Variants in ZCCHC9 observed in about 807,000 individuals in gnomAD.
The protein encoded by ZCCHC9 is zinc finger CCHC domain-containing protein 9.
In ZCCHC9, 18 loss-of-function variants were observed where a neutral mutation model predicts 30.8. The observed-to-expected ratio is 0.58, with a 90% CI of 0.40 to 0.87. The LOEUF is 0.87. Ranked by LOEUF, ZCCHC9 falls within the 40% of genes least tolerant of loss-of-function variation. The probability of loss-of-function intolerance (pLI) is 0.00; values close to 1 mark genes in which losing one functional copy is unlikely to be tolerated. For missense variants in ZCCHC9, 279 were observed against 331.2 expected, an observed-to-expected ratio of 0.84 and a Z score of 1.22; for synonymous variants, 94 against 106.7, an observed-to-expected ratio of 0.88 and a Z score of 0.73.
chr5:81,307,637 G>A (rs1029605391), intron 2 of ZCCHC9, among the ~76,000 whole-genome samples: 7 of 149,758 alleles, frequency 4.7e-5, no homozygotes, highest in Admixed American at 1.3e-4. Context: ...TGGTGACAGC[G>A]AGATTCTGTC....
In ZCCHC9 at chr5:81,304,847, G is replaced by A. The variant is rs560938911; in HGVS notation, c.90G>A (p.Glu30=). ...SWEDMKKGSF[E]GTSQNLPKRK... ...AGGACATGAAGAAGGGATCCTTTGA[G>A]GGAACAAGCCAAAACCTACCAAAGC... The change falls in exon 2 of 6, where the codon GAG becomes GAA. Residue 30 remains glutamate, a synonymous_variant. Transcript: ENST00000407610. 3.7e-6 allele frequency: 6 copies of A among 1,614,044 alleles called. No homozygotes were observed. The South Asian group carries it at 5.5e-5, about 15-fold the overall frequency.
rs771584016 is a variant in ZCCHC9, at chr5:81,304,953, G to C, written c.196G>C (p.Glu66Gln). Residue 66 changes from glutamate (E) to glutamine (Q), a missense_variant, in exon 2 of 6, where the codon GAG becomes CAG. Coordinates refer to ENST00000407610, the MANE Select transcript of ZCCHC9 (RefSeq NM_001131035.2). ...ACATAAAAAGAACAAAAAGAAAAAA[G>C]AGTACTTAAATGAAGATGTGAATGG... ...AKHKKNKKKK[E>Q]YLNEDVNGFM... 1.2e-6 allele frequency: 2 copies of C among 1,613,616 alleles called. No individual in the cohort carries two copies. Among genetic ancestry groups the C allele is most frequent in the African/African-American group, 2.7e-5 (2 of 74,826 alleles).
Position 81,301,704 on chromosome 5 carries a change from G to A in ZCCHC9, c.-18+6G>A, listed in dbSNP as rs1381084065. On this transcript the variant is annotated splice_donor_region_variant and intron_variant, in intron 1 of 5. Transcript: ENST00000407610. Reference sequence around the variant, plus strand: ...CTGCGCGGTAGCGCGGTGAGGTGAGGTTCTCAGCCACCAAAGCTGCAGGGT... The same window carrying A: ...CTGCGCGGTAGCGCGGTGAGGTGAGATTCTCAGCCACCAAAGCTGCAGGGT... The A allele has an allele frequency of 6.6e-6, 1 of 152,548 alleles. No homozygotes were observed. Among genetic ancestry groups the A allele is most frequent in the Non-Finnish European group, 1.5e-5 (1 of 68,288 alleles). 9.4% of individuals were successfully genotyped at this position (152,548 alleles called of 1,614,324 possible).
In ZCCHC9 at chr5:81,304,762, C is replaced by T; in HGVS notation, c.5C>T (p.Thr2Ile). ...TAAGGTACCACTGATGAAATTATGA[C>T]CAGGTGGGCCCGAGTTAGTACCACA... MTRWARVSTTYN... is the reference protein window; with the variant it reads MIRWARVSTTYN... Residue 2 changes from threonine to isoleucine, a missense_variant, in exon 2 of 6, where the codon ACC becomes ATC. By Grantham distance (89) the Thr-to-Ile change is moderately conservative. Coordinates refer to ENST00000407610, the MANE Select transcript of ZCCHC9 (RefSeq NM_001131035.2). 6.4e-7 allele frequency: 1 copy of T among 1,572,500 alleles called. No homozygotes were observed. The highest frequency in any genetic ancestry group is 8.6e-7 in the Non-Finnish European group (1 of 1,162,400).
chr5:81,311,385 A>G, intron 5 of ZCCHC9, 106 bp downstream of exon 5: 1 of 1,172,464 alleles, frequency 8.5e-7, no homozygotes, highest in Non-Finnish European at 1.3e-6. Context: ...TGATTTTAAG[A>G]CAACCTGTTT....
chr5:81,307,360 G>A (rs886932904), intron 2 of ZCCHC9, among the ~76,000 whole-genome samples: 1 of 152,118 alleles, frequency 6.6e-6, no homozygotes, highest in Non-Finnish European at 1.5e-5. Context: ...ACCTATTTCT[G>A]AATATTAAAG....
intron 2 of ZCCHC9, 134 bp downstream of exon 2, chr5:81,305,275 A>C (rs1337133058): frequency 3.2e-6 from 4 of 1,250,684 alleles, no homozygotes; most frequent in East Asian, 2.6e-5. Flanking sequence ...TTTAAGGACT[A>C]GTACTTTTTT....
chr5:81,311,381 T>C (rs1312853854), intron 5 of ZCCHC9, 102 bp downstream of exon 5: 22 of 1,186,462 alleles, frequency 1.9e-5, no homozygotes, highest in Non-Finnish European at 2.7e-5. Context: ...CTAATGATTT[T>C]AAGACAACCT....
At position 81,306,582 on chromosome 5, in the gene ZCCHC9, T is replaced by TA. The variant is rs147176514; in HGVS notation, c.384+1446dup. 3.9e-3 allele frequency among the ~76,000 whole-genome samples: 596 copies of TA among 152,322 alleles called. 3 individuals are homozygous for TA. The highest frequency in any genetic ancestry group is 0.013 in the African/African-American group (540 of 41,568). On this transcript the variant is annotated intron_variant, in intron 2 of 5. Transcript: ENST00000407610. ...TTAAGTGGGGAAGGATATTGTTTTT[T>TA]AAAAAGGGGAGTGCTATATAAATAG...
chr5:81,301,965 C>T (rs1037755048), intron 1 of ZCCHC9: 3 of 152,262 alleles, frequency 2.0e-5, no homozygotes, highest in Non-Finnish European at 2.9e-5. Context: ...TCCCCCTTCC[C>T]ACGTACGTAG....
intron 2 of ZCCHC9, 81 bp downstream of exon 2, chr5:81,305,222 C>G: frequency 1.3e-6 from 2 of 1,495,312 alleles, no homozygotes; most frequent in East Asian, 4.7e-5. Flanking sequence ...TATACCTTAG[C>G]CAGCTCTGGT....
At chr5:81,309,981 A>G (rs10041138) in intron 4 of ZCCHC9, among the ~76,000 whole-genome samples, 69,376 of 151,636 alleles carry the variant, frequency 0.46, 16,364 homozygotes, top group Admixed American at 0.59. Flanking sequence ...TGCCTAAAGA[A>G]TTTTTATAAG....
rs747859472 is a variant in ZCCHC9, at chr5:81,305,091, C to T, written c.334C>T (p.Arg112Ter). 3.9e-5 allele frequency: 62 copies of T among 1,605,806 alleles called. No individual in the cohort carries two copies. The highest frequency in any genetic ancestry group is 5.2e-5 in the Non-Finnish European group (61 of 1,178,064). Residue 112 changes from arginine to a stop codon, truncating the protein, a stop_gained, in exon 2 of 6, where the codon CGA (arginine) becomes TGA (stop). Transcript: ENST00000407610. LOFTEE classifies it high-confidence loss of function. The stretch of plus-strand genomic sequence containing the variant: ...TGCAGTTGCTTTAAAGAAAGACAGT[C>T]GACGGGAAGGAAGAAGATTAAAAAG... Reference protein sequence around the residue: ...EIAVALKKDSRREGRRLKRQA... With the variant: ...EIAVALKKDS
chr5:81,304,693 T>G (rs1758040658), intron 1 of ZCCHC9, 48 bp from the exon 2 acceptor site: 34 of 1,502,670 alleles, frequency 2.3e-5, no homozygotes, highest in Non-Finnish European at 2.8e-5. Context: ...TTTTGTTGTT[T>G]TTGTTGTTGA....
intron 2 of ZCCHC9, among the ~76,000 whole-genome samples, chr5:81,306,932 T>C (rs1345957225): frequency 1.3e-5 from 2 of 152,206 alleles, no homozygotes; most frequent in East Asian, 1.9e-4. Context: ...GTATAATAAA[T>C]ACAGCTTCTT....
In ZCCHC9 at chr5:81,308,960, G is replaced by T; in HGVS notation, c.550G>T (p.Ala184Ser). 1.9e-6 allele frequency: 3 copies of T among 1,612,944 alleles called. No homozygotes were observed. Among genetic ancestry groups the T allele is most frequent in the Non-Finnish European group, 2.5e-6 (3 of 1,179,642 alleles). The change falls in exon 4 of 6, where the codon GCA becomes TCA. Residue 184 changes from alanine (A) to serine (S), a missense_variant. Coordinates refer to ENST00000407610, the MANE Select transcript of ZCCHC9 (RefSeq NM_001131035.2). Reference protein sequence around the residue: ...VDPALGEFPFAKCFVCGEMGH... With the variant: ...VDPALGEFPFSKCFVCGEMGH... ...GATTTTTACAGGCGAATTTCCTTTT[G>T]CAAAATGTTTTGTTTGTGGAGAAAT...
chr5:81,310,947 G>A (rs1437424408), intron 4 of ZCCHC9, among the ~76,000 whole-genome samples: 1 of 152,180 alleles, frequency 6.6e-6, no homozygotes, highest in East Asian at 1.9e-4. Context: ...TTGAACAAGT[G>A]CCTTCCATCA....
chr5:81,302,092 G>A (rs1288691147), intron 1 of ZCCHC9: 1 of 152,292 alleles, frequency 6.6e-6, no homozygotes, highest in Admixed American at 6.5e-5. Flanking sequence ...CAATTCATTG[G>A]GTCCACCCTT....
chr5:81,306,885 G>C (rs1175924567), intron 2 of ZCCHC9, among the ~76,000 whole-genome samples: 2 of 152,110 alleles, frequency 1.3e-5, no homozygotes, highest in East Asian at 3.9e-4. Context: ...TTCTTATGGT[G>C]GTGATGCAGG....
Sources: gnomAD v4.1 joint callset for allele counts (sites outside exome capture counted in the v4.1 genomes callset) on GRCh38, gnomAD v4.1.1 for gene constraint, MANE v1.5 for transcripts, NCBI Gene and HGNC (gene_info 2026-07-23, HGNC 2026-07-21) for gene names.